DNAJC1: variants seen among roughly 807,000 people sequenced by gnomAD.
DNAJC1 encodes dnaJ homolog subfamily C member 1.
A neutral mutation model predicts 76.6 loss-of-function variants in DNAJC1; 58 were observed. That is an observed-to-expected ratio of 0.76 (90% CI 0.61 to 0.94). The LOEUF is 0.94. Among genes scored for constraint, DNAJC1 ranks in the 40% least tolerant of loss-of-function variants. The probability of loss-of-function intolerance (pLI) is 0.00; values close to 1 mark genes in which losing one functional copy is unlikely to be tolerated. For synonymous variants in DNAJC1, 258 were observed against 267.9 expected, an observed-to-expected ratio of 0.96 and a Z score of 0.36; for missense variants, 689 against 677.3, an observed-to-expected ratio of 1.02 and a Z score of -0.19.
intron 8 of DNAJC1, among the ~76,000 whole-genome samples, chr10:21,838,385 G>A (rs898569964): frequency 1.4e-4 from 21 of 152,148 alleles, no homozygotes; most frequent in African/African-American, 3.9e-4. Flanking sequence ...GATTAAGGGC[G>A]GTGCAAGATG....
intron 7 of DNAJC1, among the ~76,000 whole-genome samples, chr10:21,895,169 C>T (rs959346130): frequency 1.3e-5 from 2 of 152,166 alleles, no homozygotes; most frequent in African/African-American, 4.8e-5. Context: ...CTTTGAAGTG[C>T]ATGCTAAAGC....
At chr10:21,804,590 G>C (rs1056703747) in intron 9 of DNAJC1, among the ~76,000 whole-genome samples, 16 of 150,082 alleles carry the variant, frequency 1.1e-4, no homozygotes, top group African/African-American at 3.9e-4. Flanking sequence ...AACATGTTTA[G>C]CTGAAGAAAA....
At chr10:21,946,625 T>C (rs998697894) in intron 1 of DNAJC1, among the ~76,000 whole-genome samples, 3 of 152,152 alleles carry the variant, frequency 2.0e-5, no homozygotes, top group Non-Finnish European at 2.9e-5. Context: ...AAGCTGAACA[T>C]ACACAAACCC....
At chr10:21,823,187 G>A (rs930487950) in intron 8 of DNAJC1, among the ~76,000 whole-genome samples, 8 of 152,128 alleles carry the variant, frequency 5.3e-5, no homozygotes, top group African/African-American at 1.7e-4. Flanking sequence ...ATCTATTAGA[G>A]GAGCTTTTTA....
At chr10:21,874,040 G>C (rs1024535295) in intron 8 of DNAJC1, among the ~76,000 whole-genome samples, 2 of 152,126 alleles carry the variant, frequency 1.3e-5, no homozygotes, top group African/African-American at 4.8e-5. Flanking sequence ...ATAGCCAAAA[G>C]ACCCAGAATG....
At chr10:21,917,059 T>C (rs993205214) in intron 6 of DNAJC1, among the ~76,000 whole-genome samples, 1 of 151,984 alleles carries the variant, frequency 6.6e-6, no homozygotes, top group African/African-American at 2.4e-5. Flanking sequence ...ATGCCTAGCA[T>C]CTCAAAACCG....
intron 9 of DNAJC1, among the ~76,000 whole-genome samples, chr10:21,784,428 T>C (rs1250097018): frequency 6.6e-6 from 1 of 152,112 alleles, no homozygotes; most frequent in Non-Finnish European, 1.5e-5. Flanking sequence ...TGTGGAGAAA[T>C]AGGAACACTT....
chr10:21,834,647 T>TA (rs977305927), intron 8 of DNAJC1, among the ~76,000 whole-genome samples: 2 of 152,118 alleles, frequency 1.3e-5, no homozygotes, highest in African/African-American at 4.8e-5. Context: ...CCAACGGACT[T>TA]AAAAAACGGC....
chr10:21,993,934 G>A (rs375962359), intron 1 of DNAJC1, among the ~76,000 whole-genome samples: 2 of 151,766 alleles, frequency 1.3e-5, no homozygotes, highest in Admixed American at 6.6e-5. Context: ...TGCTACCCAC[G>A]AAGTAATAAG....
chr10:21,778,894 C>T (rs1456521584), intron 9 of DNAJC1, among the ~76,000 whole-genome samples: 1 of 152,232 alleles, frequency 6.6e-6, no homozygotes, highest in East Asian at 1.9e-4. Context: ...GTCACTCCCA[C>T]CCTAACACTG....
At position 21,779,649 on chromosome 10, in the gene DNAJC1, C is replaced by A. The variant is rs555250157; in HGVS notation, c.1099-13340G>T. 7.5e-4 allele frequency among the ~76,000 whole-genome samples: 114 copies of A among 152,234 alleles called. 2 individuals carry two copies. The South Asian group carries it at 0.023, about 30-fold the overall frequency. ...ATAAAACCACAAAGATGGGGAGAAACCAGAGCACAAAAGCTGAGAATTCTA... is the reference window on the plus strand; with the variant it reads ...ATAAAACCACAAAGATGGGGAGAAAACAGAGCACAAAAGCTGAGAATTCTA... On this transcript the variant is annotated intron_variant, in intron 9 of 11. Coordinates refer to ENST00000376980, the MANE Select transcript of DNAJC1 (RefSeq NM_022365.4).
chr10:21,998,212 G>A (rs1293014570), intron 1 of DNAJC1, among the ~76,000 whole-genome samples: 17 of 151,856 alleles, frequency 1.1e-4, no homozygotes, highest in Admixed American at 9.2e-4. Context: ...CCAACATGGC[G>A]AAACCCCATC....
chr10:21,789,627 AT>A (rs1466996325), intron 9 of DNAJC1, among the ~76,000 whole-genome samples: 2 of 152,246 alleles, frequency 1.3e-5, no homozygotes, highest in Admixed American at 1.3e-4. Context: ...AGGAAAAAAA[AT>A]CATGATATAA....
Position 21,759,422 on chromosome 10 carries a change from G to A in DNAJC1, c.1344C>T (p.Ala448=). ...GCTTCGCTGTAGCCTCCAGCAGCCT[G>A]GCTGGCTTCCGCCTCCGAGGCCGGG... is the stretch of plus-strand genomic sequence containing the variant. ...TDARPRRRKP[A]RLLEATAKPE... is the part of the protein sequence containing the mutation. Residue 448 remains alanine (A), a synonymous_variant, in exon 11 of 12, where the codon GCC becomes GCT. Transcript: ENST00000376980. 6.2e-7 allele frequency: 1 copy of A among 1,614,150 alleles called. No individual in the cohort carries two copies. The highest frequency in any genetic ancestry group is 8.5e-7 in the Non-Finnish European group (1 of 1,180,032).
Position 21,756,619 on chromosome 10 carries a change from A to G in DNAJC1, c.*68T>C. On this transcript the variant is annotated 3_prime_UTR_variant, in exon 12 of 12. Coordinates refer to ENST00000376980, the MANE Select transcript of DNAJC1 (RefSeq NM_022365.4). ...TAGAAATATTGAGGTACAAAATGCAAATTTCTGCATAAGATTTTTAAGATA... is the reference window on the plus strand; with the variant it reads ...TAGAAATATTGAGGTACAAAATGCAGATTTCTGCATAAGATTTTTAAGATA... 1 of 1,276,762 alleles carries G rather than the reference A, an allele frequency of 7.8e-7. No homozygotes were observed. Among genetic ancestry groups the G allele is most frequent in the Non-Finnish European group, 1.1e-6 (1 of 879,446 alleles). 79.1% of individuals were successfully genotyped at this position (1,276,762 alleles called of 1,614,324 possible). A position where few individuals can be genotyped will look rare whatever the true frequency, so the allele number is the denominator to read the frequency against.
intron 9 of DNAJC1, among the ~76,000 whole-genome samples, chr10:21,768,386 T>C (rs1834326779): frequency 6.6e-6 from 1 of 152,216 alleles, no homozygotes; most frequent in Non-Finnish European, 1.5e-5. Flanking sequence ...AGATCTGCTC[T>C]TCAGTCTTGG....
intron 5 of DNAJC1, 142 bp downstream of exon 5, chr10:21,919,690 A>T (rs1837009163): frequency 1.9e-6 from 1 of 533,222 alleles, no homozygotes; most frequent in Non-Finnish European, 3.2e-6. Context: ...CTCATAAACA[A>T]TGGCACATTA....
At chr10:21,813,094 C>CATATATATAT (rs1451322364) in intron 8 of DNAJC1, among the ~76,000 whole-genome samples, 13 of 66,740 alleles carry the variant, frequency 1.9e-4, no homozygotes, top group African/African-American at 3.3e-4. Context: ...TATACACACA[C>CATATATATAT]ACATATATAT....
At chr10:21,835,444 C>G (rs1233336804) in intron 8 of DNAJC1, among the ~76,000 whole-genome samples, 2 of 152,180 alleles carry the variant, frequency 1.3e-5, no homozygotes, top group Admixed American at 6.5e-5. Context: ...AGGAATGCAG[C>G]TCCTCACCAG....
Sources: allele counts gnomAD v4.1 joint callset (sites outside exome capture counted in the v4.1 genomes callset), GRCh38; gene constraint gnomAD v4.1.1; transcripts MANE v1.5; gene names NCBI Gene and HGNC (gene_info 2026-07-23, HGNC 2026-07-21).